The following TACC2 variants were observed in gnomAD, a reference collection of about 807,000 sequenced individuals.
The protein encoded by TACC2 is transforming acidic coiled-coil containing protein 2.
Under a neutral mutation model 227.3 loss-of-function variants are expected in TACC2, and 137 were observed. That is an observed-to-expected ratio of 0.60 (90% CI 0.52 to 0.69). The LOEUF is 0.69. TACC2 is among the 30% of genes least tolerant of loss of function. TACC2 has a pLI of 0.00. For synonymous variants in TACC2, 1,523 were observed against 1,487.5 expected (o/e 1.02, Z -0.55); for missense variants, 3,470 against 3,694.4 (o/e 0.94, Z 1.57).
rs74981575 is a variant in TACC2, at chr10:122,188,775, C to T, written c.5835-6265C>T. Among the ~76,000 whole-genome samples the T allele has an allele frequency of 1.3e-3, 192 of 152,352 alleles. 3 individuals are homozygous for T. In the East Asian group the frequency reaches 0.02, roughly 16 times the overall value. Reference sequence around the variant, plus strand: ...CGCCCCGGGAACCCCAGTAACATCACAACATAGCCACGAAGTGATAGCTAC... The same window carrying T: ...CGCCCCGGGAACCCCAGTAACATCATAACATAGCCACGAAGTGATAGCTAC... On this transcript the variant is annotated intron_variant, in intron 7 of 22. Coordinates refer to ENST00000369005, the MANE Select transcript of TACC2 (RefSeq NM_206862.4).
At chr10:122,228,733 G>A (rs2095675454) in intron 14 of TACC2, among the ~76,000 whole-genome samples, 2 of 152,098 alleles carry the variant, frequency 1.3e-5, no homozygotes, top group Admixed American at 1.3e-4. Context: ...TGTTTATTGA[G>A]CACCTACTAT....
At chr10:122,002,036 A>C (rs1000597358) in intron 1 of TACC2, among the ~76,000 whole-genome samples, 34 of 152,210 alleles carry the variant, frequency 2.2e-4, no homozygotes, top group African/African-American at 7.7e-4. Context: ...AAACAACAGA[A>C]ATTTATTTCT....
intron 7 of TACC2, among the ~76,000 whole-genome samples, chr10:122,192,166 G>C (rs1053346682): frequency 6.6e-6 from 1 of 152,228 alleles, no homozygotes; most frequent in African/African-American, 2.4e-5. Context: ...CTCGTGGTCT[G>C]TGGTGGTCCC....
chr10:122,155,928 C>T (rs189181032), intron 7 of TACC2, among the ~76,000 whole-genome samples: 2 of 148,402 alleles, frequency 1.3e-5, no homozygotes, highest in East Asian at 4.0e-4. Flanking sequence ...ATCTCCGCCT[C>T]CCGGGCTCAC....
chr10:122,107,992 C>A (rs371830679), intron 5 of TACC2, among the ~76,000 whole-genome samples: 30 of 148,278 alleles, frequency 2.0e-4, no homozygotes, highest in Admixed American at 2.0e-3. Context: ...CCTGGGTTCA[C>A]GCCATTCTCC....
chr10:122,163,821 G>T, intron 7 of TACC2: 2 of 1,462,308 alleles, frequency 1.4e-6, no homozygotes, highest in Non-Finnish European at 1.8e-6. Context: ...CTGCAGTGCA[G>T]CAACCCCGGC....
intron 3 of TACC2, among the ~76,000 whole-genome samples, chr10:122,061,567 C>A (rs369755798): frequency 2.0e-5 from 3 of 152,164 alleles, no homozygotes; most frequent in Non-Finnish European, 4.4e-5. Flanking sequence ...CAGAGTTCTC[C>A]TTTCTGCTTC....
At chr10:122,189,711 G>A (rs1018340343) in intron 7 of TACC2, among the ~76,000 whole-genome samples, 1 of 152,212 alleles carries the variant, frequency 6.6e-6, no homozygotes. Context: ...AGAAGGAATT[G>A]TTTCTTGATA....
intron 3 of TACC2, among the ~76,000 whole-genome samples, chr10:122,063,809 A>G (rs932416580): frequency 6.8e-6 from 1 of 146,126 alleles, no homozygotes; most frequent in Non-Finnish European, 1.5e-5. Context: ...CAAATTATAT[A>G]TTATACATAT....
intron 5 of TACC2, among the ~76,000 whole-genome samples, chr10:122,130,837 C>T (rs573834715): frequency 2.0e-5 from 3 of 150,312 alleles, no homozygotes; most frequent in South Asian, 2.1e-4. Context: ...GTTCCTGGCA[C>T]GTATACGTAG....
At chr10:122,030,725 G>A (rs1423385871) in intron 2 of TACC2, among the ~76,000 whole-genome samples, 1 of 151,306 alleles carries the variant, frequency 6.6e-6, no homozygotes, top group African/African-American at 2.4e-5. Flanking sequence ...TCTGGCTGAG[G>A]TTGGAGAAGT....
chr10:122,026,001 G>A (rs1957948690), intron 2 of TACC2, among the ~76,000 whole-genome samples: 1 of 151,548 alleles, frequency 6.6e-6, no homozygotes, highest in African/African-American at 2.4e-5. Context: ...GTCCTCTTAA[G>A]AGCATCTTTT....
intron 5 of TACC2, among the ~76,000 whole-genome samples, chr10:122,115,739 A>C (rs1250345927): frequency 1.3e-5 from 2 of 151,954 alleles, no homozygotes; most frequent in African/African-American, 4.8e-5. Flanking sequence ...GTGTATGTGC[A>C]TATGTGTACA....
At chr10:122,207,773 C>T (rs746412014) in intron 8 of TACC2, among the ~76,000 whole-genome samples, 5 of 152,216 alleles carry the variant, frequency 3.3e-5, no homozygotes, top group Non-Finnish European at 7.3e-5. Context: ...CTCATTGTTG[C>T]GTGATAACTG....
chr10:122,231,734 G>A (rs753370753), intron 16 of TACC2, among the ~76,000 whole-genome samples: 4 of 152,320 alleles, frequency 2.6e-5, no homozygotes, highest in Admixed American at 1.3e-4. Flanking sequence ...CCAGCTACTC[G>A]GGAGACTGAG....
At chr10:122,204,817 C>T (rs1049729336) in intron 8 of TACC2, among the ~76,000 whole-genome samples, 9 of 147,890 alleles carry the variant, frequency 6.1e-5, no homozygotes, top group African/African-American at 1.1e-4. Flanking sequence ...AGAGTGAGAC[C>T]CTGGCTCTTC....
intron 4 of TACC2, among the ~76,000 whole-genome samples, chr10:122,088,163 C>A (rs1401231791): frequency 6.6e-6 from 1 of 152,172 alleles, no homozygotes; most frequent in East Asian, 1.9e-4. Flanking sequence ...AGGCTGGGAG[C>A]TGTTGACTAT....
At chr10:122,183,220 AC>A (rs1269128333) in intron 7 of TACC2, among the ~76,000 whole-genome samples, 4 of 151,248 alleles carry the variant, frequency 2.6e-5, no homozygotes, top group Non-Finnish European at 4.4e-5. Flanking sequence ...AAACAAAAAA[AC>A]AAACAAAAAA....
intron 5 of TACC2, among the ~76,000 whole-genome samples, chr10:122,094,900 C>T (rs1031145106): frequency 3.3e-5 from 5 of 152,204 alleles, no homozygotes; most frequent in Non-Finnish European, 5.9e-5. Flanking sequence ...ATTATGGCCA[C>T]CGGTAGAAGC....
Sources: gnomAD v4.1 joint callset for allele counts (sites outside exome capture counted in the v4.1 genomes callset) on GRCh38, gnomAD v4.1.1 for gene constraint, MANE v1.5 for transcripts, NCBI Gene and HGNC (gene_info 2026-07-23, HGNC 2026-07-21) for gene names.